Variants in DPY19L3 observed in about 807,000 individuals in gnomAD.
DPY19L3 encodes the protein protein C-mannosyl-transferase DPY19L3.
In DPY19L3, 51 loss-of-function variants were observed where a neutral mutation model predicts 92.3. That is an observed-to-expected ratio of 0.55 (90% CI 0.44 to 0.70). The LOEUF (loss-of-function observed/expected upper bound fraction) is 0.70. Ranked by LOEUF, DPY19L3 falls within the 30% of genes least tolerant of loss-of-function variation. DPY19L3 has a pLI of 0.00. For missense variants in DPY19L3, 706 were observed against 855.9 expected, an observed-to-expected ratio of 0.82 and a Z score of 2.18; for synonymous variants, 309 against 315.2, an observed-to-expected ratio of 0.98 and a Z score of 0.21.
intron 7 of DPY19L3, 90 bp downstream of exon 7, chr19:32,439,325 T>C (rs187143094): frequency 2.0e-4 from 271 of 1,365,146 alleles, no homozygotes; most frequent in Non-Finnish European, 6.9e-5. Context: ...TCCCAATGCA[T>C]GTGAATAGTT....
In DPY19L3 at chr19:32,411,623, G is replaced by A. The variant is rs533964345; in HGVS notation, c.237+251G>A. On this transcript the variant is annotated intron_variant, in intron 3 of 18. Transcript: ENST00000392250. Reference sequence around the variant, plus strand: ...CACTCTGTCACCCAGGCTGGAGTGCGGTGGCGCAATCTTGGCTCACTACAA... The same window carrying A: ...CACTCTGTCACCCAGGCTGGAGTGCAGTGGCGCAATCTTGGCTCACTACAA... 456 of 421,070 alleles carry A rather than the reference G, an allele frequency of 1.1e-3. 4 individuals are homozygous for A. The Middle Eastern group carries it at 0.024, about 22-fold the overall frequency. 26.1% of individuals were successfully genotyped at this position (421,070 alleles called of 1,614,324 possible). A position where few individuals can be genotyped will look rare whatever the true frequency, so the allele number is the denominator to read the frequency against.
At chr19:32,468,602 A>G in intron 15 of DPY19L3, 129 bp from the exon 16 acceptor site, 2 of 1,385,388 alleles carry the variant, frequency 1.4e-6, no homozygotes, top group South Asian at 3.6e-5. Context: ...AAATAGTTGT[A>G]TATTCCAGTA....
At position 32,460,423 on chromosome 19, in the gene DPY19L3, A is replaced by C. The variant is rs141717728; in HGVS notation, c.1322+1914A>C. On this transcript the variant is annotated intron_variant, in intron 12 of 18. Transcript: ENST00000392250. ...GAGACCCTATCTCTATTTTTAAAAAATACTGTAATAAAAGATTAAACATTG... is the reference window on the plus strand; with the variant it reads ...GAGACCCTATCTCTATTTTTAAAAACTACTGTAATAAAAGATTAAACATTG... Among the ~76,000 whole-genome samples, 732 of 152,286 alleles carry C rather than the reference A, an allele frequency of 4.8e-3. 5 individuals are homozygous for C. The highest frequency in any genetic ancestry group is 0.017 in the African/African-American group (701 of 41,544).
chr19:32,477,234 T>C (rs189614888), intron 16 of DPY19L3, among the ~76,000 whole-genome samples: 1 of 152,202 alleles, frequency 6.6e-6, no homozygotes, highest in African/African-American at 2.4e-5. Context: ...CCCACCGTTA[T>C]TCTGGTGAAC....
intron 3 of DPY19L3, among the ~76,000 whole-genome samples, chr19:32,413,972 C>T (rs1457381699): frequency 2.6e-5 from 4 of 152,098 alleles, no homozygotes; most frequent in African/African-American, 9.7e-5. Context: ...AATCCTCCTG[C>T]GTTGGCCTCC....
chr19:32,453,298 T>C (rs746602544), intron 9 of DPY19L3, 22 bp downstream of exon 9: 1 of 1,583,120 alleles, frequency 6.3e-7, no homozygotes, highest in South Asian at 1.2e-5. Context: ...TTTTTGTCCT[T>C]TATCAAAGTA....
chr19:32,473,470 T>C (rs1004368654), intron 16 of DPY19L3, among the ~76,000 whole-genome samples: 1 of 152,358 alleles, frequency 6.6e-6, no homozygotes, highest in South Asian at 2.1e-4. Flanking sequence ...CACCCAGCAT[T>C]ATGTCCATCA....
chr19:32,421,231 TC>T (rs1258710512), intron 3 of DPY19L3, among the ~76,000 whole-genome samples: 1 of 152,218 alleles, frequency 6.6e-6, no homozygotes, highest in Non-Finnish European at 1.5e-5. Context: ...TGGTATCAGT[TC>T]CTTCTTTCTT....
intron 15 of DPY19L3, 47 bp downstream of exon 15, chr19:32,464,831 T>C: frequency 7.7e-7 from 1 of 1,299,272 alleles, no homozygotes; most frequent in Non-Finnish European, 1.1e-6. Context: ...TTTAGCAGAA[T>C]AATTGCTTTG....
At chr19:32,466,371 C>T (rs1970200978) in intron 15 of DPY19L3, among the ~76,000 whole-genome samples, 2 of 152,198 alleles carry the variant, frequency 1.3e-5, no homozygotes, top group Admixed American at 6.5e-5. Flanking sequence ...ACCAGCCCCC[C>T]AGTTTTAAGA....
chr19:32,464,412 G>C (rs1260364754), intron 14 of DPY19L3, among the ~76,000 whole-genome samples: 1 of 152,146 alleles, frequency 6.6e-6, no homozygotes, highest in African/African-American at 2.4e-5. Context: ...AGAAGCTGCA[G>C]ATATCTTACA....
intron 8 of DPY19L3, among the ~76,000 whole-genome samples, chr19:32,440,477 T>C (rs569617498): frequency 6.6e-6 from 1 of 152,360 alleles, no homozygotes; most frequent in South Asian, 2.1e-4. Flanking sequence ...ATAGTTAGTA[T>C]TCTAAAGTAG....
intron 2 of DPY19L3, 104 bp from the exon 3 acceptor site, chr19:32,411,135 G>T: frequency 8.1e-7 from 1 of 1,239,724 alleles, no homozygotes. Flanking sequence ...AGCTTTCCCA[G>T]TGACAGGCAG....
At chr19:32,475,457 C>T (rs1313469177) in intron 16 of DPY19L3, among the ~76,000 whole-genome samples, 2 of 152,188 alleles carry the variant, frequency 1.3e-5, no homozygotes, top group East Asian at 3.8e-4. Flanking sequence ...CACTTTTTGG[C>T]ATGGGTGTGT....
In DPY19L3 at chr19:32,437,228, C is replaced by T. The variant is rs1391207006; in HGVS notation, c.485C>T (p.Thr162Ile). The T allele has an allele frequency of 1.2e-6, 2 of 1,614,072 alleles. No homozygotes were observed. The highest frequency in any genetic ancestry group is 1.7e-6 in the Non-Finnish European group (2 of 1,180,020). The change falls in exon 6 of 19, where the codon ACC becomes ATC. Residue 162 changes from threonine (T) to isoleucine (I), a missense_variant. Physicochemically the swap from Thr to Ile is moderately conservative, Grantham distance 89. Coordinates refer to ENST00000392250, the MANE Select transcript of DPY19L3 (RefSeq NM_001172774.2). Reference protein sequence around the residue: ...YLEPVYFYIYTLFGLQAIYVT... With the variant: ...YLEPVYFYIYILFGLQAIYVT... ...GAGCCAGTTTATTTTTATATTTACA[C>T]CTTATTTGGGCTCCAGGCGATCTAT...
rs139905436 is a variant in DPY19L3, at chr19:32,425,920, A to G, written c.238-6796A>G. On this transcript the variant is annotated intron_variant, in intron 3 of 18. Coordinates refer to ENST00000392250, the MANE Select transcript of DPY19L3 (RefSeq NM_001172774.2). ...ATTAGCCCCTAACGAGAGTCAGCCT[A>G]TGCTCTGAAGCTTTGAAGTCAGGCA... Among the ~76,000 whole-genome samples, 1,246 of 152,320 alleles carry G rather than the reference A, an allele frequency of 8.2e-3. 7 individuals are homozygous for G. Among genetic ancestry groups the G allele is most frequent in the Middle Eastern group, 0.037 (11 of 294 alleles).
intron 14 of DPY19L3, among the ~76,000 whole-genome samples, chr19:32,464,285 TATTATA>T (rs1045002414): frequency 5.3e-5 from 8 of 152,076 alleles, no homozygotes; most frequent in African/African-American, 1.7e-4. Context: ...TAACTGTTGT[TATTATA>T]ATGTATTTTC....
intron 3 of DPY19L3, among the ~76,000 whole-genome samples, chr19:32,419,833 A>G (rs1968505844): frequency 6.6e-6 from 1 of 151,824 alleles, no homozygotes; most frequent in South Asian, 2.1e-4. Flanking sequence ...TATTGTAAAC[A>G]AAAAGTAAAA....
rs762826625 is a variant in DPY19L3 at position 32,482,257 on chromosome 19, G to A, written c.*17G>A. On this transcript the variant is annotated 3_prime_UTR_variant, in exon 19 of 19. Coordinates refer to ENST00000392250, the MANE Select transcript of DPY19L3 (RefSeq NM_001172774.2). ...AACAAGTAGCGCAGATTTCTGCCCA[G>A]TGTCTATTTTTGATACGGAGAAACT... 9 of 1,602,104 alleles carry A rather than the reference G, an allele frequency of 5.6e-6. No homozygotes were observed. The highest frequency in any genetic ancestry group is 7.7e-6 in the Non-Finnish European group (9 of 1,176,036).
Sources: gnomAD v4.1 joint callset for allele counts (sites outside exome capture counted in the v4.1 genomes callset) on GRCh38, gnomAD v4.1.1 for gene constraint, MANE v1.5 for transcripts, NCBI Gene and HGNC (gene_info 2026-07-23, HGNC 2026-07-21) for gene names.